The following ATP6V0A2 variants were observed in gnomAD, a reference collection of about 807,000 sequenced individuals.
ATP6V0A2 encodes ATPase H+ transporting V0 subunit a2.
A neutral mutation model predicts 104.4 loss-of-function variants in ATP6V0A2; 58 were observed. The observed-to-expected ratio is 0.56, with a 90% CI of 0.45 to 0.69. The LOEUF is 0.69. ATP6V0A2 is among the 30% of genes least tolerant of loss of function. The probability of loss-of-function intolerance (pLI) is 0.00; values close to 1 mark genes in which losing one functional copy is unlikely to be tolerated. For synonymous variants in ATP6V0A2, 376 were observed against 397.9 expected (o/e 0.95, Z 0.65); for missense variants, 938 against 1,062.9 (o/e 0.88, Z 1.63).
intron 13 of ATP6V0A2, among the ~76,000 whole-genome samples, chr12:123,747,162 T>G (rs1191150471): frequency 6.6e-6 from 1 of 152,184 alleles, no homozygotes; most frequent in African/African-American, 2.4e-5. Context: ...TATTCACAGC[T>G]AAACTTTATG....
At chr12:123,751,445 A>G (rs906905664) in intron 16 of ATP6V0A2, among the ~76,000 whole-genome samples, 4 of 152,168 alleles carry the variant, frequency 2.6e-5, no homozygotes, top group African/African-American at 9.7e-5. Flanking sequence ...ACTTGAGCCC[A>G]GGAGTTTGAG....
At position 123,744,738 on chromosome 12, in the gene ATP6V0A2, A is replaced by T. The variant is rs761024266; in HGVS notation, c.1468A>T (p.Ser490Cys). The part of the protein sequence containing the change: ...GSGWNVSAMY[S>C]SSHPPAEHKK... ...TGGGTGGAACGTGTCGGCCATGTAC[A>T]GCTCCAGCCACCCACCCGCAGAGCA... is the stretch of plus-strand genomic sequence containing the variant. The change falls in exon 12 of 20, where the codon AGC (serine) becomes TGC (cysteine). Residue 490 changes from serine to cysteine, a missense_variant. Physicochemically the swap from Ser to Cys is moderately radical, Grantham distance 112. Transcript: ENST00000330342. This position sits in a 1 kb window ranked among gnomAD's most constrained non-coding sequence, Gnocchi z 5.4. 1.2e-6 allele frequency: 2 copies of T among 1,614,136 alleles called. No homozygotes were observed. The highest frequency in any genetic ancestry group is 3.3e-5 in the Admixed American group (2 of 60,012).
chr12:123,726,028 T>C (rs935713249), intron 4 of ATP6V0A2, among the ~76,000 whole-genome samples, 169 bp from the exon 5 acceptor site: 1 of 152,210 alleles, frequency 6.6e-6, no homozygotes, highest in Non-Finnish European at 1.5e-5. Flanking sequence ...GGGGAAGTTA[T>C]CTTTTCATTT....
Position 123,744,627 on chromosome 12 carries a change from A to C in ATP6V0A2, c.1357A>C (p.Ile453Leu). The change falls in exon 12 of 20, where the codon ATC (isoleucine) becomes CTC (leucine). Residue 453 changes from isoleucine to leucine, a missense_variant. Transcript: ENST00000330342. This position sits in a 1 kb window ranked among gnomAD's most constrained non-coding sequence, Gnocchi z 5.4. Reference protein sequence around the residue: ...IMRMFFNGRYILLLMGLFSVY... With the variant: ...IMRMFFNGRYLLLLMGLFSVY... ...GAGGATGTTTTTTAATGGCCGGTAC[A>C]TCCTCCTGCTGATGGGGCTGTTCTC... The C allele has an allele frequency of 1.2e-6, 2 of 1,613,462 alleles. No homozygotes were observed. The highest frequency in any genetic ancestry group is 2.2e-5 in the South Asian group (2 of 91,026).
At position 123,744,610 on chromosome 12, in the gene ATP6V0A2, T is replaced by A. The variant is rs1956641651; in HGVS notation, c.1340T>A (p.Phe447Tyr). The A allele has an allele frequency of 6.2e-7, 1 of 1,613,020 alleles. No homozygotes were observed. The highest frequency in any genetic ancestry group is 1.1e-5 in the South Asian group (1 of 91,014). The change falls in exon 12 of 20, where the codon TTT becomes TAT. Residue 447 changes from phenylalanine to tyrosine, a missense_variant. By Grantham distance (22) the Phe-to-Tyr change is conservative. Coordinates refer to ENST00000330342, the MANE Select transcript of ATP6V0A2 (RefSeq NM_012463.4). This position sits in a 1 kb window ranked among gnomAD's most constrained non-coding sequence, Gnocchi z 5.4. ...LNQSQEIMRMFFNGRYILLLM... is the reference protein window; with the variant it reads ...LNQSQEIMRMYFNGRYILLLM... ...TGCCCTTCACAGATCATGAGGATGT[T>A]TTTTAATGGCCGGTACATCCTCCTG...
Position 123,755,391 on chromosome 12 carries a change from C to G in ATP6V0A2, c.2293+854C>G, listed in dbSNP as rs529709614. On this transcript the variant is annotated intron_variant, in intron 18 of 19. Coordinates refer to ENST00000330342, the MANE Select transcript of ATP6V0A2 (RefSeq NM_012463.4). ...TCTCTACTAAAAATACAAAAATTAGCTGGTTGTGGTGGCGGGCGCCTGTAG... is the reference window on the plus strand; with the variant it reads ...TCTCTACTAAAAATACAAAAATTAGGTGGTTGTGGTGGCGGGCGCCTGTAG... Among the ~76,000 whole-genome samples the G allele has an allele frequency of 5.9e-5, 9 of 152,036 alleles. No individual in the cohort carries two copies. The South Asian group carries it at 1.9e-3, about 32-fold the overall frequency.
In ATP6V0A2 at chr12:123,734,236, A is replaced by G. The variant is rs144508640; in HGVS notation, c.731+228A>G. 9.8e-5 allele frequency among the ~76,000 whole-genome samples: 15 copies of G among 152,346 alleles called. No homozygotes were observed. In the East Asian group the frequency reaches 2.9e-3, roughly 29 times the overall value. ...TGTGTTAATAATATTCCCAGAATTG[A>G]CTTTTTTCCTTGGAGATCAGGGCTT... On this transcript the variant is annotated intron_variant, in intron 7 of 19. Transcript: ENST00000330342.
At chr12:123,755,528 T>G (rs576314998) in intron 18 of ATP6V0A2, among the ~76,000 whole-genome samples, 15 of 137,774 alleles carry the variant, frequency 1.1e-4, no homozygotes, top group Non-Finnish European at 2.0e-4. Context: ...AGACCGAGAC[T>G]CTGTCTCAAA....
chr12:123,720,304 A>G (rs1225942551), intron 2 of ATP6V0A2, among the ~76,000 whole-genome samples: 1 of 152,204 alleles, frequency 6.6e-6, no homozygotes, highest in Non-Finnish European at 1.5e-5. Context: ...TGGGTGAGTC[A>G]TTGGATAGAT....
At chr12:123,735,403 T>C in intron 7 of ATP6V0A2, 128 bp from the exon 8 acceptor site, 1 of 798,138 alleles carries the variant, frequency 1.3e-6, no homozygotes, top group Non-Finnish European at 2.2e-6. Flanking sequence ...GGCAGATGAC[T>C]GCATCTGCAC....
chr12:123,743,653 C>CA lies in ATP6V0A2; in HGVS notation c.1039-123dup, dbSNP rs10715944. The CA allele has an allele frequency of 7.3e-4, 734 of 1,007,536 alleles. 1 individual carries two copies. Among genetic ancestry groups the CA allele is most frequent in the African/African-American group, 2.5e-3 (150 of 60,934 alleles). 62.4% of individuals were successfully genotyped at this position (1,007,536 alleles called of 1,614,324 possible). On this transcript the variant is annotated intron_variant, in intron 9 of 19. Coordinates refer to ENST00000330342, the MANE Select transcript of ATP6V0A2 (RefSeq NM_012463.4). Reference sequence around the variant, plus strand: ...GGGCAACAAGAGTGAAACTCCGTCTCAAAAAAAAACAAAACAAAACAACAC... The same window carrying CA: ...GGGCAACAAGAGTGAAACTCCGTCTCAAAAAAAAAACAAAACAAAACAACAC...
chr12:123,733,942 GGTAT>G lies in ATP6V0A2; in HGVS notation c.668_671del (p.Tyr223SerfsTer3), dbSNP rs1363182057. ...TCTTTGTAGGGGGAAGTCATAAAAT[GGTAT>G]GTCTTTTTAATATCCTTTTGGGGAG... On this transcript the variant is annotated frameshift_variant, in exon 7 of 20. Transcript: ENST00000330342. LOFTEE classifies it high-confidence loss of function. The G allele has an allele frequency of 1.2e-6, 2 of 1,612,798 alleles. No individual in the cohort carries two copies. The highest frequency in any genetic ancestry group is 8.5e-7 in the Non-Finnish European group (1 of 1,178,784).
At chr12:123,742,505 G>T (rs144294607) in intron 9 of ATP6V0A2, among the ~76,000 whole-genome samples, 3,224 of 152,212 alleles carry the variant, frequency 0.021, 119 homozygotes, top group African/African-American at 0.073. Flanking sequence ...CCACCCTCGA[G>T]AATTTCCCCA....
intron 16 of ATP6V0A2, 93 bp downstream of exon 16, chr12:123,751,322 C>T: frequency 2.5e-6 from 4 of 1,581,672 alleles, no homozygotes; most frequent in Non-Finnish European, 3.5e-6. Flanking sequence ...TGGAGGGTCC[C>T]TGTCTCTTGA....
intron 16 of ATP6V0A2, among the ~76,000 whole-genome samples, chr12:123,751,845 C>A (rs1434191121): frequency 6.9e-6 from 1 of 143,994 alleles, no homozygotes; most frequent in African/African-American, 2.5e-5. Context: ...TTTTTCTTTT[C>A]TTTTCTTTCT....
intron 2 of ATP6V0A2, among the ~76,000 whole-genome samples, chr12:123,718,944 C>T (rs575461712): frequency 1.3e-5 from 2 of 152,144 alleles, no homozygotes; most frequent in Admixed American, 6.5e-5. Context: ...TTGTTTTTTA[C>T]TTAACAGTGC....
chr12:123,729,507 C>G (rs1956480644), intron 6 of ATP6V0A2, among the ~76,000 whole-genome samples: 1 of 151,898 alleles, frequency 6.6e-6, no homozygotes, highest in South Asian at 2.1e-4. Context: ...CCCATCCATC[C>G]CCATGTACAT....
intron 2 of ATP6V0A2, among the ~76,000 whole-genome samples, chr12:123,719,122 A>G (rs1956372279): frequency 6.6e-6 from 1 of 152,190 alleles, no homozygotes; most frequent in African/African-American, 2.4e-5. Flanking sequence ...TAAGTTACTT[A>G]ATTTAAAATT....
At chr12:123,724,836 C>G (rs1447849419) in intron 4 of ATP6V0A2, 45 bp downstream of exon 4, 5 of 1,582,310 alleles carry the variant, frequency 3.2e-6, no homozygotes, top group Non-Finnish European at 4.3e-6. Flanking sequence ...TTATAAACAG[C>G]TTTTTATAAA....
Sources: gnomAD v4.1 joint callset for allele counts (sites outside exome capture counted in the v4.1 genomes callset) on GRCh38, gnomAD v4.1.1 for gene constraint, Gnocchi (gnomAD v3.1) non-coding constraint, MANE v1.5 for transcripts, NCBI Gene and HGNC (gene_info 2026-07-23, HGNC 2026-07-21) for gene names.